Variants in KPNA4 observed in about 807,000 individuals in gnomAD.
KPNA4 encodes importin subunit alpha-3.
In KPNA4, 13 loss-of-function variants were observed where a neutral mutation model predicts 71.3. The observed-to-expected ratio is 0.18, with a 90% confidence interval of 0.12 to 0.29. The LOEUF is 0.29. Ranked by LOEUF, KPNA4 falls within the 10% of genes least tolerant of loss-of-function variation. KPNA4 has a pLI of 1.00. For synonymous variants in KPNA4, 189 were observed against 195.2 expected (o/e 0.97, Z 0.26); for missense variants, 334 against 603.2 (o/e 0.55, Z 4.67).
chr3:160,543,921 G>C (rs562795178), intron 1 of KPNA4, among the ~76,000 whole-genome samples: 2 of 152,044 alleles, frequency 1.3e-5, no homozygotes, highest in Admixed American at 6.5e-5. Context: ...GCAATGGCGC[G>C]ATCTCAGCTC....
chr3:160,521,784 C>T lies in KPNA4; in HGVS notation c.898G>A (p.Val300Ile), dbSNP rs779386613. ...TTAACTAAGAACAAACTTACCTGAACTTTAACTTCCTGGTGGCTGAGCAGA... is the reference window on the plus strand; with the variant it reads ...TTAACTAAGAACAAACTTACCTGAATTTTAACTTCCTGGTGGCTGAGCAGA... ...VPLLSHQEVK[V>I]QTAALRAVGN... Residue 300 changes from valine to isoleucine, a missense_variant, in exon 11 of 17, where the codon GTT becomes ATT. By Grantham distance (29) the Val-to-Ile change is conservative. Coordinates refer to ENST00000334256, the MANE Select transcript of KPNA4 (RefSeq NM_002268.5). The T allele has an allele frequency of 6.2e-7, 1 of 1,611,222 alleles. No individual in the cohort carries two copies. Among genetic ancestry groups the T allele is most frequent in the Non-Finnish European group, 8.5e-7 (1 of 1,179,682 alleles).
At chr3:160,535,081 T>C (rs1255393118) in intron 5 of KPNA4, among the ~76,000 whole-genome samples, 2 of 152,128 alleles carry the variant, frequency 1.3e-5, no homozygotes, top group Non-Finnish European at 2.9e-5. Context: ...ACATTATAAT[T>C]CTGGATTTAT....
chr3:160,544,481 A>G (rs1323820385), intron 1 of KPNA4, among the ~76,000 whole-genome samples: 1 of 152,254 alleles, frequency 6.6e-6, no homozygotes, highest in Non-Finnish European at 1.5e-5. Context: ...GGAATTGATC[A>G]AATGCTACCA....
chr3:160,508,476 A>G (rs1465575768), intron 14 of KPNA4, among the ~76,000 whole-genome samples: 1 of 152,214 alleles, frequency 6.6e-6, no homozygotes. Flanking sequence ...AAAACAACGT[A>G]AAGTTAAAAT....
intron 1 of KPNA4, among the ~76,000 whole-genome samples, chr3:160,542,977 G>A (rs1304958623): frequency 1.3e-5 from 2 of 152,104 alleles, no homozygotes; most frequent in African/African-American, 4.8e-5. Context: ...CAAAGAAAAG[G>A]ATTAGAGTTT....
At chr3:160,559,316 G>C (rs986660470) in intron 1 of KPNA4, among the ~76,000 whole-genome samples, 132 of 152,250 alleles carry the variant, frequency 8.7e-4, no homozygotes, top group African/African-American at 3.2e-3. Context: ...GAGAAAGTTA[G>C]AATTTTAGAA....
At position 160,526,765 on chromosome 3, in the gene KPNA4, A is replaced by T. The variant is rs75657732; in HGVS notation, c.557-658T>A. Among the ~76,000 whole-genome samples the T allele has an allele frequency of 4.6e-3, 707 of 152,346 alleles. 5 individuals are homozygous for T. Among genetic ancestry groups the T allele is most frequent in the African/African-American group, 0.016 (658 of 41,584 alleles). Reference sequence around the variant, plus strand: ...ATGTTGAAATGTTACCATAAGTGAAAGCACCTTCCCTTGCACTATAATATC... The same window carrying T: ...ATGTTGAAATGTTACCATAAGTGAATGCACCTTCCCTTGCACTATAATATC... On this transcript the variant is annotated intron_variant, in intron 8 of 16. Coordinates refer to ENST00000334256, the MANE Select transcript of KPNA4 (RefSeq NM_002268.5).
In KPNA4 at chr3:160,495,108, C is replaced by T. The variant is rs1463494067; in HGVS notation, c.*6996G>A. 6.6e-6 allele frequency: 1 copy of T among 152,100 alleles called. No homozygotes were observed. Among genetic ancestry groups the T allele is most frequent in the Non-Finnish European group, 1.5e-5 (1 of 68,040 alleles). The allele number at this position is 152,100 out of a possible 1,614,324, so 9.4% of individuals were successfully genotyped here. A position where few individuals can be genotyped will look rare whatever the true frequency, so the allele number is the denominator to read the frequency against. On this transcript the variant is annotated 3_prime_UTR_variant, in exon 17 of 17. Coordinates refer to ENST00000334256, the MANE Select transcript of KPNA4 (RefSeq NM_002268.5). The stretch of plus-strand genomic sequence containing the variant: ...GCCGACCTTGCCCTTAAGGAGCTTA[C>T]AATCTAGTGGAAAGAAAGACGGAGA...
intron 1 of KPNA4, among the ~76,000 whole-genome samples, chr3:160,553,886 A>G (rs1203116729): frequency 6.6e-6 from 1 of 152,250 alleles, no homozygotes; most frequent in East Asian, 1.9e-4. Context: ...AGAAAGAAAC[A>G]TAAGGAATCT....
chr3:160,547,267 CT>C (rs1251629415), intron 1 of KPNA4, among the ~76,000 whole-genome samples: 4 of 152,178 alleles, frequency 2.6e-5, no homozygotes, highest in Non-Finnish European at 5.9e-5. Context: ...TCACAATCCT[CT>C]CCTCCCCTTA....
chr3:160,535,643 G>A lies in KPNA4; in HGVS notation c.234+18C>T. On this transcript the variant is annotated intron_variant, in intron 4 of 16. Coordinates refer to ENST00000334256, the MANE Select transcript of KPNA4 (RefSeq NM_002268.5). ...GGACAAGAAATGCAAATGAAGAGAGGGAAAAAATCCAACTTACTTGAACAA... is the reference window on the plus strand; with the variant it reads ...GGACAAGAAATGCAAATGAAGAGAGAGAAAAAATCCAACTTACTTGAACAA... The A allele has an allele frequency of 2.5e-6, 4 of 1,582,032 alleles. No homozygotes were observed. The highest frequency in any genetic ancestry group is 1.2e-5 in the South Asian group (1 of 83,700).
intron 1 of KPNA4, among the ~76,000 whole-genome samples, chr3:160,556,368 C>G (rs757892365): frequency 2.0e-5 from 3 of 152,192 alleles, no homozygotes; most frequent in Non-Finnish European, 4.4e-5. Flanking sequence ...TCTCCACATC[C>G]TCACCAACAC....
intron 11 of KPNA4, among the ~76,000 whole-genome samples, chr3:160,520,309 T>A (rs993659630): frequency 4.6e-5 from 7 of 151,932 alleles, no homozygotes; most frequent in African/African-American, 1.7e-4. Flanking sequence ...AGGAGAGTAG[T>A]GGCGCAATCT....
chr3:160,541,868 AGT>A (rs1341414766), intron 1 of KPNA4, among the ~76,000 whole-genome samples: 1 of 152,252 alleles, frequency 6.6e-6, no homozygotes, highest in Non-Finnish European at 1.5e-5. Context: ...TTAGTAAAAT[AGT>A]AATAAGGCCC....
intron 15 of KPNA4, among the ~76,000 whole-genome samples, chr3:160,507,220 C>T (rs1187868128): frequency 2.0e-5 from 3 of 152,094 alleles, no homozygotes; most frequent in East Asian, 1.9e-4. Flanking sequence ...CACAGGAGGT[C>T]GGGCGCAGTT....
At chr3:160,520,807 C>A (rs1721333181) in intron 11 of KPNA4, among the ~76,000 whole-genome samples, 1 of 152,158 alleles carries the variant, frequency 6.6e-6, no homozygotes, top group South Asian at 2.1e-4. Flanking sequence ...CTAACGGTTT[C>A]TCTTATGCGA....
At chr3:160,503,704 T>C (rs894675468) in intron 16 of KPNA4, among the ~76,000 whole-genome samples, 3 of 152,224 alleles carry the variant, frequency 2.0e-5, no homozygotes, top group African/African-American at 7.2e-5. Context: ...TTAGAAATTA[T>C]GAGGCTATTA....
intron 15 of KPNA4, among the ~76,000 whole-genome samples, chr3:160,505,274 T>G (rs1170762722): frequency 6.6e-6 from 1 of 152,154 alleles, no homozygotes; most frequent in East Asian, 1.9e-4. Flanking sequence ...TGCTTGTAAA[T>G]GTACAAATAA....
At chr3:160,545,935 C>T (rs1040925579) in intron 1 of KPNA4, among the ~76,000 whole-genome samples, 29 of 152,148 alleles carry the variant, frequency 1.9e-4, no homozygotes, top group African/African-American at 7.0e-4. Flanking sequence ...CTGCCATTTA[C>T]TGAGATGGGG....
Sources: gnomAD v4.1 joint callset for allele counts (sites outside exome capture counted in the v4.1 genomes callset) on GRCh38, gnomAD v4.1.1 for gene constraint, MANE v1.5 for transcripts, NCBI Gene and HGNC (gene_info 2026-07-23, HGNC 2026-07-21) for gene names.